The following RAB3GAP2 variants were observed in gnomAD, a reference collection of about 807,000 sequenced individuals.
The protein encoded by RAB3GAP2 is rab3 GTPase-activating protein non-catalytic subunit.
A neutral mutation model predicts 185.3 loss-of-function variants in RAB3GAP2; 87 were observed. The observed-to-expected ratio is 0.47, with a 90% CI of 0.39 to 0.56. The LOEUF is 0.56. RAB3GAP2 is among the 20% of genes least tolerant of loss of function. RAB3GAP2 has a pLI of 0.00. For synonymous variants in RAB3GAP2, 554 were observed against 576.1 expected (o/e 0.96, Z 0.55); for missense variants, 1,492 against 1,638.2 (o/e 0.91, Z 1.54).
At chr1:220,212,339 T>C (rs999407192) in intron 4 of RAB3GAP2, among the ~76,000 whole-genome samples, 2 of 152,232 alleles carry the variant, frequency 1.3e-5, no homozygotes, top group Non-Finnish European at 2.9e-5. Flanking sequence ...GAGATTCTTT[T>C]TGAATTCTTC....
chr1:220,211,874 G>A (rs1274522257), intron 4 of RAB3GAP2, among the ~76,000 whole-genome samples: 1 of 152,150 alleles, frequency 6.6e-6, no homozygotes, highest in Non-Finnish European at 1.5e-5. Flanking sequence ...AGACTAAATG[G>A]CGTAAGGAGA....
intron 2 of RAB3GAP2, among the ~76,000 whole-genome samples, chr1:220,224,877 G>A (rs1659374537): frequency 1.3e-5 from 2 of 152,138 alleles, no homozygotes; most frequent in African/African-American, 2.4e-5. Flanking sequence ...TTGGCACCAG[G>A]TCCCCCTAGA....
intron 21 of RAB3GAP2, among the ~76,000 whole-genome samples, chr1:220,174,585 T>C (rs1248519780): frequency 6.6e-6 from 1 of 152,222 alleles, no homozygotes; most frequent in East Asian, 1.9e-4. Flanking sequence ...TATTATTGAC[T>C]ATAGTCACCC....
chr1:220,236,754 C>G (rs1241658003), intron 1 of RAB3GAP2, among the ~76,000 whole-genome samples: 3 of 151,418 alleles, frequency 2.0e-5, no homozygotes, highest in Non-Finnish European at 4.4e-5. Context: ...GAATTCTGTT[C>G]AGGCACGGTA....
chr1:220,151,302 T>C lies in RAB3GAP2; in HGVS notation c.4131A>G (p.Leu1377=). ...CCACAGCTTCAATGAGGTGTAAGGC[T>C]AGACCATATTGCCCATGTTTTTCTG... The part of the protein sequence containing the change: ...LLPEKHGQYG[L]ALHLIEAVEA... The change falls in exon 35 of 35, where the codon CTA becomes CTG. Residue 1377 remains leucine, a synonymous_variant. Transcript: ENST00000358951. The C allele has an allele frequency of 6.2e-7, 1 of 1,614,134 alleles. No homozygotes were observed. Among genetic ancestry groups the C allele is most frequent in the Non-Finnish European group, 8.5e-7 (1 of 1,180,000 alleles).
intron 1 of RAB3GAP2, chr1:220,271,328 C>T (rs1229771877): frequency 6.6e-6 from 1 of 151,186 alleles, no homozygotes; most frequent in East Asian, 1.9e-4. Flanking sequence ...GCCAAATGTG[C>T]TTCAGGTTGG....
chr1:220,226,065 C>G (rs908280192), intron 2 of RAB3GAP2, among the ~76,000 whole-genome samples: 13 of 152,140 alleles, frequency 8.5e-5, no homozygotes, highest in African/African-American at 3.1e-4. Context: ...ACAGATGGAG[C>G]ACATTTCAAA....
intron 34 of RAB3GAP2, 33 bp from the exon 35 acceptor site, chr1:220,151,439 G>A (rs1219835071): frequency 1.2e-6 from 2 of 1,613,018 alleles, no homozygotes; most frequent in South Asian, 2.2e-5. Context: ...ACCTATTATA[G>A]ACAACTAAAC....
Position 220,157,793 on chromosome 1 carries a change from C to T in RAB3GAP2, c.3336+9G>A, listed in dbSNP as rs776997304. ...GAGCAGTTCAGAATGAAAAATACAC[C>T]TCTTTTACCTCCATTAAGATCTGAA... On this transcript the variant is annotated intron_variant, in intron 30 of 34. Transcript: ENST00000358951. 1.2e-6 allele frequency: 2 copies of T among 1,600,494 alleles called. No homozygotes were observed. Among genetic ancestry groups the T allele is most frequent in the Admixed American group, 1.7e-5 (1 of 59,964 alleles).
chr1:220,202,369 C>T lies in RAB3GAP2; in HGVS notation c.718G>A (p.Ala240Thr), dbSNP rs146337693. The part of the protein sequence containing the change: ...ACRNQVAKAA[A>T]SGNENIQPPP... Reference sequence around the variant, plus strand: ...GGTTGTATGTTCTCATTGCCTGATGCTGCAGCTACCAAAGATAAAATAAGA... The same window carrying T: ...GGTTGTATGTTCTCATTGCCTGATGTTGCAGCTACCAAAGATAAAATAAGA... The change falls in exon 9 of 35, where the codon GCA becomes ACA. Residue 240 changes from alanine to threonine, a missense_variant. Physicochemically the swap from Ala to Thr is moderately conservative, Grantham distance 58 (BLOSUM62 0). Transcript: ENST00000358951. 6.2e-7 allele frequency: 1 copy of T among 1,613,068 alleles called. No homozygotes were observed. Among genetic ancestry groups the T allele is most frequent in the Non-Finnish European group, 8.5e-7 (1 of 1,179,352 alleles).
intron 1 of RAB3GAP2, among the ~76,000 whole-genome samples, chr1:220,234,288 T>C (rs112898644): frequency 1.5e-3 from 221 of 151,710 alleles, no homozygotes; most frequent in African/African-American, 5.2e-3. Context: ...GGGAAAACAA[T>C]TTAAAAGATG....
intron 1 of RAB3GAP2, among the ~76,000 whole-genome samples, chr1:220,236,204 G>A (rs1397407928): frequency 6.6e-6 from 1 of 152,020 alleles, no homozygotes; most frequent in African/African-American, 2.4e-5. Context: ...TTGACATGGA[G>A]TCTTGTTCTG....
At chr1:220,247,744 G>T (rs1054357300) in intron 1 of RAB3GAP2, among the ~76,000 whole-genome samples, 11 of 152,108 alleles carry the variant, frequency 7.2e-5, no homozygotes, top group African/African-American at 2.7e-4. Context: ...CCCCCAAACT[G>T]TTGAAATTTT....
Position 220,171,135 on chromosome 1 carries a change from A to G in RAB3GAP2, c.2578-15T>C. The G allele has an allele frequency of 6.2e-7, 1 of 1,606,494 alleles. No homozygotes were observed. The highest frequency in any genetic ancestry group is 8.5e-7 in the Non-Finnish European group (1 of 1,173,178). ...GTTTGGGAAAACTAATAAAAAATGC[A>G]CTGGTGATTCTTTGCCAAAGATTCT... On this transcript the variant is annotated splice_polypyrimidine_tract_variant and intron_variant, in intron 23 of 34. Coordinates refer to ENST00000358951, the MANE Select transcript of RAB3GAP2 (RefSeq NM_012414.4).
At chr1:220,213,040 C>A (rs898535804) in intron 3 of RAB3GAP2, 72 bp from the exon 4 acceptor site, 17 of 1,169,630 alleles carry the variant, frequency 1.5e-5, no homozygotes, top group Non-Finnish European at 2.0e-5. Context: ...ATAAATTTTG[C>A]TCTTTCCCCT....
Position 220,195,093 on chromosome 1 carries a change from G to A in RAB3GAP2, c.1115C>T (p.Thr372Ile). 3 of 1,614,070 alleles carry A rather than the reference G, an allele frequency of 1.9e-6. No individual in the cohort carries two copies. The highest frequency in any genetic ancestry group is 2.2e-5 in the South Asian group (2 of 91,090). ...ACAGACTTGCCTTACAGCTAATGGG[G>A]TAGCTGGCTCAACCTTCGGCTTTTG... is the stretch of plus-strand genomic sequence containing the variant. ...QKQKPKVEPA[T>I]PLAVRFGLPD... The change falls in exon 12 of 35, where the codon ACC (threonine) becomes ATC (isoleucine). Residue 372 changes from threonine (T) to isoleucine (I), a missense_variant. Thr to Ile is a moderately conservative substitution (Grantham distance 89). Coordinates refer to ENST00000358951, the MANE Select transcript of RAB3GAP2 (RefSeq NM_012414.4).
At chr1:220,214,261 C>T (rs1338847460) in intron 2 of RAB3GAP2, among the ~76,000 whole-genome samples, 1 of 152,122 alleles carries the variant, frequency 6.6e-6, no homozygotes, top group East Asian at 1.9e-4. Context: ...AGTGGCCAGG[C>T]ATGGTGGCTC....
intron 21 of RAB3GAP2, among the ~76,000 whole-genome samples, chr1:220,181,525 A>T (rs1291936982): frequency 6.6e-6 from 1 of 152,132 alleles, no homozygotes; most frequent in Non-Finnish European, 1.5e-5. Flanking sequence ...CTTTTGTTTT[A>T]TATTTGTTAT....
chr1:220,160,814 C>T (rs1268300043), intron 28 of RAB3GAP2, among the ~76,000 whole-genome samples: 4 of 152,176 alleles, frequency 2.6e-5, no homozygotes, highest in Non-Finnish European at 5.9e-5. Flanking sequence ...GCTCCAAACA[C>T]TCCCTATTGT....
Sources: allele counts gnomAD v4.1 joint callset (sites outside exome capture counted in the v4.1 genomes callset), GRCh38; gene constraint gnomAD v4.1.1; transcripts MANE v1.5; gene names NCBI Gene and HGNC (gene_info 2026-07-23, HGNC 2026-07-21).